Variants in IGBP1C observed in about 807,000 individuals in gnomAD.
IGBP1C encodes the protein IGBP1 family member C, also known as immunoglobulin-binding protein 1 family member C.
chr17:58,676,857 G>A, the IGBP1C span, among the ~76,000 whole-genome samples: 6 of 152,020 alleles, frequency 3.9e-5, no homozygotes, highest in African/African-American at 1.4e-4. Flanking sequence ...CTGACCAGGT[G>A]GGGTGGCTCA....
the IGBP1C span, chr17:58,677,731 TA>T: frequency 0.74 from 112,973 of 152,116 alleles, 42,978 homozygotes; most frequent in African/African-American, 0.92. Context: ...CCCTGCCCGG[TA>T]AAGTGGAAGG....
the IGBP1C span, among the ~76,000 whole-genome samples, chr17:58,675,041 G>A: frequency 6.6e-6 from 1 of 151,792 alleles, no homozygotes; most frequent in Non-Finnish European, 1.5e-5. Flanking sequence ...AGCTTCTTGG[G>A]AGGCTGAGGC....
chr17:58,686,933 GAGGGATCTCAGCTCAC>G, the IGBP1C span, among the ~76,000 whole-genome samples: 1 of 147,614 alleles, frequency 6.8e-6, no homozygotes. Flanking sequence ...GAGCGCAGGG[GAGGGATCTCAGCTCAC>G]AGCAACCTCC....
At chr17:58,681,405 G>A in the IGBP1C span, among the ~76,000 whole-genome samples, 1 of 152,152 alleles carries the variant, frequency 6.6e-6, no homozygotes, top group South Asian at 2.1e-4. Flanking sequence ...TTGTTCTCAA[G>A]TCTGATGTTC....
chr17:58,686,452 G>A, the IGBP1C span, among the ~76,000 whole-genome samples: 2 of 152,172 alleles, frequency 1.3e-5, no homozygotes, highest in African/African-American at 4.8e-5. Flanking sequence ...CTGAGTTGGA[G>A]GAGACTTTGA....
At chr17:58,660,534 G>A in the IGBP1C span, 7 of 741,030 alleles carry the variant, frequency 9.4e-6, no homozygotes, top group African/African-American at 5.2e-5. Context: ...TTTCCTTGGC[G>A]GGGAAGGTGT....
At chr17:58,669,607 G>GCA in the IGBP1C span, among the ~76,000 whole-genome samples, 2 of 151,518 alleles carry the variant, frequency 1.3e-5, no homozygotes, top group African/African-American at 4.9e-5. Flanking sequence ...GGTGGCGCAT[G>GCA]CCTGTAATCC....
At chr17:58,674,021 C>T in the IGBP1C span, among the ~76,000 whole-genome samples, 3 of 152,136 alleles carry the variant, frequency 2.0e-5, no homozygotes, top group Admixed American at 2.0e-4. Flanking sequence ...CACCTGTAAT[C>T]CTGGCACTTT....
chr17:58,687,756 A>C, the IGBP1C span, among the ~76,000 whole-genome samples: 1 of 152,222 alleles, frequency 6.6e-6, no homozygotes, highest in Non-Finnish European at 1.5e-5. Flanking sequence ...AGTCAACCTG[A>C]AAATGTCTCG....
At chr17:58,680,787 T>C in the IGBP1C span, among the ~76,000 whole-genome samples, 1 of 151,968 alleles carries the variant, frequency 6.6e-6, no homozygotes, top group Non-Finnish European at 1.5e-5. Flanking sequence ...AGTTTCAGAG[T>C]TAACAGTGTT....
At chr17:58,671,851 A>G in the IGBP1C span, among the ~76,000 whole-genome samples, 1 of 152,040 alleles carries the variant, frequency 6.6e-6, no homozygotes, top group Non-Finnish European at 1.5e-5. Context: ...CAATTCATCT[A>G]ATCCTTTAGA....
chr17:58,677,427 G>C, the IGBP1C span: 2 of 152,176 alleles, frequency 1.3e-5, no homozygotes, highest in Non-Finnish European at 2.9e-5. Flanking sequence ...CACCAAGGAA[G>C]CCTGTTACTA....
chr17:58,686,997 C>T, the IGBP1C span, among the ~76,000 whole-genome samples: 1 of 151,540 alleles, frequency 6.6e-6, no homozygotes, highest in East Asian at 1.9e-4. Flanking sequence ...CCTCAGTCTC[C>T]CGAGTAGCTG....
the IGBP1C span, among the ~76,000 whole-genome samples, chr17:58,689,842 A>G: frequency 1.3e-5 from 2 of 149,690 alleles, no homozygotes; most frequent in Admixed American, 1.3e-4. Context: ...GGCAAGGGCC[A>G]GAAGATTTTT....
At chr17:58,674,396 G>A in the IGBP1C span, among the ~76,000 whole-genome samples, 1 of 152,108 alleles carries the variant, frequency 6.6e-6, no homozygotes, top group Admixed American at 6.6e-5. Context: ...CCGGCCAGGC[G>A]CAGTGGCTCA....
the IGBP1C span, among the ~76,000 whole-genome samples, chr17:58,667,856 G>A: frequency 2.0e-5 from 3 of 147,424 alleles, no homozygotes; most frequent in Non-Finnish European, 3.0e-5. Context: ...TCATGCCACC[G>A]CACTCCAGCC....
At chr17:58,684,417 A>C in the IGBP1C span, among the ~76,000 whole-genome samples, 1 of 151,106 alleles carries the variant, frequency 6.6e-6, no homozygotes, top group Non-Finnish European at 1.5e-5. Flanking sequence ...AGCTGAGATC[A>C]CACCATTGCA....
chr17:58,662,565 G>A, the IGBP1C span, among the ~76,000 whole-genome samples: 75 of 152,112 alleles, frequency 4.9e-4, no homozygotes, highest in African/African-American at 1.7e-3. Flanking sequence ...GTTCCCTTAC[G>A]TGTGGGGAAG....
chr17:58,690,749 C>G, the IGBP1C span, among the ~76,000 whole-genome samples: 1 of 152,156 alleles, frequency 6.6e-6, no homozygotes, highest in East Asian at 1.9e-4. Context: ...CTTTGACCTA[C>G]CAAATGGGGT....
Sources: allele counts gnomAD v4.1 joint callset (sites outside exome capture counted in the v4.1 genomes callset), GRCh38; gene constraint gnomAD v4.1.1; transcripts MANE v1.5; gene names NCBI Gene and HGNC (gene_info 2026-07-23, HGNC 2026-07-21).